The following HELT variants were observed in gnomAD, a reference collection of about 807,000 sequenced individuals.
The protein encoded by HELT is hairy and enhancer of split-related protein HELT.
Under a neutral mutation model 19.5 loss-of-function variants are expected in HELT, and 9 were observed. The observed-to-expected ratio is 0.46, with a 90% confidence interval of 0.28 to 0.80. The LOEUF (loss-of-function observed/expected upper bound fraction) is 0.80. Among genes scored for constraint, HELT ranks in the 30% least tolerant of loss-of-function variants. The probability of loss-of-function intolerance (pLI) is 0.12; values close to 1 mark genes in which losing one functional copy is unlikely to be tolerated. For missense variants in HELT, 366 were observed against 326.3 expected (o/e 1.12, Z -0.94); for synonymous variants, 162 against 148.3 (o/e 1.09, Z -0.67).
intron 1 of HELT, 85 bp from the exon 2 acceptor site, chr4:185,019,302 G>T: frequency 8.2e-7 from 1 of 1,226,588 alleles, no homozygotes; most frequent in South Asian, 1.4e-5. Flanking sequence ...CGGCTGGAGA[G>T]GCGGCTTGCA....
chr4:185,020,489 T>C lies in HELT; in HGVS notation c.446T>C (p.Leu149Pro), dbSNP rs757229622. 5.2e-5 allele frequency: 84 copies of C among 1,613,186 alleles called. No homozygotes were observed. The highest frequency in any genetic ancestry group is 7.0e-5 in the Non-Finnish European group (83 of 1,179,972). ...CCGGAGCCGGATTTCTCCTATCAGC[T>C]GCACCCTGCGGGGCCCGAATTCGCT... The part of the protein sequence containing the change: ...SLPEPDFSYQ[L>P]HPAGPEFAGH... The change falls in exon 4 of 4, where the codon CTG becomes CCG. Residue 149 changes from leucine (L) to proline (P), a missense_variant. Leu to Pro is a moderately conservative substitution (Grantham distance 98). Coordinates refer to ENST00000515777, the MANE Select transcript of HELT (RefSeq NM_001300781.2).
Position 185,020,919 on chromosome 4 carries a change from C to T in HELT, c.*147C>T. On this transcript the variant is annotated 3_prime_UTR_variant, in exon 4 of 4. Transcript: ENST00000515777. ...CGAATGAGTCTTCTGAAGGATCTCCCCCTGGTAATAAACGTTTTCTGATAA... is the reference window on the plus strand; with the variant it reads ...CGAATGAGTCTTCTGAAGGATCTCCTCCTGGTAATAAACGTTTTCTGATAA... 1 of 960,578 alleles carries T rather than the reference C, an allele frequency of 1.0e-6. No individual in the cohort carries two copies. The highest frequency in any genetic ancestry group is 1.4e-6 in the Non-Finnish European group (1 of 702,500). 59.5% of individuals were successfully genotyped at this position (960,578 alleles called of 1,614,324 possible).
intron 1 of HELT, 39 bp downstream of exon 1, chr4:185,018,994 G>A (rs1733976556): frequency 4.3e-6 from 7 of 1,614,072 alleles, no homozygotes; most frequent in Non-Finnish European, 4.2e-6. Context: ...GCGCCCTGGT[G>A]GTGGAGGCAT....
intron 1 of HELT, 123 bp from the exon 2 acceptor site, chr4:185,019,264 T>G (rs1733985023): frequency 7.1e-6 from 8 of 1,119,810 alleles, no homozygotes; most frequent in Non-Finnish European, 1.0e-5. Flanking sequence ...CAGGAGTCCC[T>G]TCCTAGAGCG....
At position 185,019,473 on chromosome 4, in the gene HELT, C is replaced by G; in HGVS notation, c.114C>G (p.Pro38=). 1 of 1,611,142 alleles carries G rather than the reference C, an allele frequency of 6.2e-7. No homozygotes were observed. The highest frequency in any genetic ancestry group is 1.1e-5 in the South Asian group (1 of 90,534). Residue 38 remains proline, a synonymous_variant, in exon 2 of 4, where the codon CCC becomes CCG. Transcript: ENST00000515777. ...RCLNELGKTV[P]MALAKQSSGK... is the part of the protein sequence containing the mutation. ...TGAACGAGCTGGGCAAGACAGTGCC[C>G]ATGGCCTTGGCGAAGCAGGTAACGT...
At position 185,019,460 on chromosome 4, in the gene HELT, G is replaced by A. The variant is rs1733991957; in HGVS notation, c.101G>A (p.Gly34Asp). 3 of 1,612,314 alleles carry A rather than the reference G, an allele frequency of 1.9e-6. No individual in the cohort carries two copies. Among genetic ancestry groups the A allele is most frequent in the Non-Finnish European group, 2.5e-6 (3 of 1,179,152 alleles). The change falls in exon 2 of 4, where the codon GGC becomes GAC. Residue 34 changes from glycine to aspartate, a missense_variant. Physicochemically the swap from Gly to Asp is moderately conservative, Grantham distance 94. Coordinates refer to ENST00000515777, the MANE Select transcript of HELT (RefSeq NM_001300781.2). ...DRINRCLNELGKTVPMALAKQ... is the reference protein window; with the variant it reads ...DRINRCLNELDKTVPMALAKQ... Reference sequence around the variant, plus strand: ...ATCAACCGCTGCTTGAACGAGCTGGGCAAGACAGTGCCCATGGCCTTGGCG... The same window carrying A: ...ATCAACCGCTGCTTGAACGAGCTGGACAAGACAGTGCCCATGGCCTTGGCG...
chr4:185,020,322 G>A lies in HELT; in HGVS notation c.279G>A (p.Glu93=). The A allele has an allele frequency of 4.3e-6, 7 of 1,614,208 alleles. No homozygotes were observed. The highest frequency in any genetic ancestry group is 5.9e-6 in the Non-Finnish European group (7 of 1,180,040). The part of the protein sequence containing the change: ...FANYFHYGYH[E]CMKNLVHYLT... ...ACTACTTCCACTATGGCTACCACGA[G>A]TGCATGAAGAACCTGGTGCATTACC... is the stretch of plus-strand genomic sequence containing the variant. Residue 93 remains glutamate (E), a synonymous_variant, in exon 4 of 4, where the codon GAG becomes GAA. Transcript: ENST00000515777.
At chr4:185,019,122 G>A (rs1733981718) in intron 1 of HELT, 167 bp downstream of exon 1, 1 of 1,577,264 alleles carries the variant, frequency 6.3e-7, no homozygotes, top group Non-Finnish European at 8.6e-7. Flanking sequence ...AGAGGAGGGT[G>A]CTCAACCAGG....
chr4:185,019,366 C>T, intron 1 of HELT, 21 bp from the exon 2 acceptor site: 1 of 1,589,988 alleles, frequency 6.3e-7, no homozygotes, highest in Non-Finnish European at 8.6e-7. Context: ...CCATCCTAAA[C>T]ATACAACCCT....
chr4:185,018,777 A>G lies in HELT; in HGVS notation c.-152A>G. On this transcript the variant is annotated 5_prime_UTR_variant, in exon 1 of 4. It removes an upstream start codon present in the reference 5' UTR. Coordinates refer to ENST00000515777, the MANE Select transcript of HELT (RefSeq NM_001300781.2). The stretch of plus-strand genomic sequence containing the variant: ...TCCTATGGAATAATTCAACTCGTGA[A>G]TGCATCTGGAGCCCTAGATGACCGC... 3.3e-6 allele frequency: 2 copies of G among 603,294 alleles called. No homozygotes were observed. Among genetic ancestry groups the G allele is most frequent in the Non-Finnish European group, 5.6e-6 (2 of 357,056 alleles). 37.4% of individuals were successfully genotyped at this position (603,294 alleles called of 1,614,324 possible). A position where few individuals can be genotyped will look rare whatever the true frequency, so the allele number is the denominator to read the frequency against.
intron 3 of HELT, 123 bp from the exon 4 acceptor site, chr4:185,020,150 C>G (rs1579159840): frequency 2.9e-6 from 4 of 1,379,812 alleles, no homozygotes; most frequent in Non-Finnish European, 4.0e-6. Context: ...GAGGAGAGGG[C>G]GGGCCTCAAA....
chr4:185,020,391 G>C lies in HELT; in HGVS notation c.348G>C (p.Ala116=). The change falls in exon 4 of 4, where the codon GCG becomes GCC. Residue 116 remains alanine (A), a synonymous_variant. Coordinates refer to ENST00000515777, the MANE Select transcript of HELT (RefSeq NM_001300781.2). ...ERMETKDTKY[A]RILAFLQSKA... ...TGGAGACCAAGGACACGAAGTACGC[G>C]CGCATCCTCGCCTTCTTGCAGTCCA... 1 of 1,614,232 alleles carries C rather than the reference G, an allele frequency of 6.2e-7. No homozygotes were observed. Among genetic ancestry groups the C allele is most frequent in the Non-Finnish European group, 8.5e-7 (1 of 1,180,048 alleles).
chr4:185,020,582 C>G lies in HELT; in HGVS notation c.539C>G (p.Pro180Arg), dbSNP rs772636701. The change falls in exon 4 of 4, where the codon CCT becomes CGT. Residue 180 changes from proline (P) to arginine (R), a missense_variant. By Grantham distance (103) the Pro-to-Arg change is moderately radical. Transcript: ENST00000515777. ...GGTGCCGGGCCTTTCCCCTGGCCGC[C>G]TGGCGCGGCCCGCAGCCCCGCGCTG... The part of the protein sequence containing the change: ...GSGAGPFPWP[P>R]GAARSPALPY... The G allele has an allele frequency of 1.3e-6, 2 of 1,594,580 alleles. No homozygotes were observed. The highest frequency in any genetic ancestry group is 3.4e-5 in the Admixed American group (2 of 58,592).
intron 1 of HELT, 55 bp downstream of exon 1, chr4:185,019,010 T>C: frequency 6.2e-7 from 1 of 1,613,872 alleles, no homozygotes; most frequent in South Asian, 1.1e-5. Flanking sequence ...GGCATCTGAC[T>C]CACCGACCCG....
At position 185,020,439 on chromosome 4, in the gene HELT, C is replaced by G; in HGVS notation, c.396C>G (p.Pro132=). The G allele has an allele frequency of 6.2e-7, 1 of 1,614,070 alleles. No homozygotes were observed. Among genetic ancestry groups the G allele is most frequent in the Non-Finnish European group, 8.5e-7 (1 of 1,180,036 alleles). ...LQSKARLGAE[P]AFPPLGSLPE... ...CCAAGGCCCGCCTGGGCGCGGAGCC[C>G]GCCTTTCCGCCGCTGGGTTCGCTCC... is the stretch of plus-strand genomic sequence containing the variant. The change falls in exon 4 of 4, where the codon CCC becomes CCG. Residue 132 remains proline (P), a synonymous_variant. Coordinates refer to ENST00000515777, the MANE Select transcript of HELT (RefSeq NM_001300781.2).
In HELT at chr4:185,018,513, G is replaced by T. The variant is rs1466733385; in HGVS notation, c.-416G>T. Among the ~76,000 whole-genome samples, 4 of 151,904 alleles carry T rather than the reference G, an allele frequency of 2.6e-5. No homozygotes were observed. Among genetic ancestry groups the T allele is most frequent in the Admixed American group, 1.3e-4 (2 of 15,266 alleles). ...CGCTGCGCCCCTGCGCTCCGCGCCC[G>T]CGACTGCTGCAGGCGCTTGCTCGCC... is the stretch of plus-strand genomic sequence containing the variant. On this transcript the variant is annotated 5_prime_UTR_variant, in exon 1 of 4. Coordinates refer to ENST00000515777, the MANE Select transcript of HELT (RefSeq NM_001300781.2).
chr4:185,019,389 A>G lies in HELT; in HGVS notation c.30A>G (p.Arg10=). The part of the protein sequence containing the change: MSDKLKERK[R]TPVSHKVIEK... Reference sequence around the variant, plus strand: ...AACATACAACCCTCTCTTCGCAGAGAACCCCCGTTTCTCATAAAGTGATAG... The same window carrying G: ...AACATACAACCCTCTCTTCGCAGAGGACCCCCGTTTCTCATAAAGTGATAG... The change falls in exon 2 of 4, where the codon AGA becomes AGG. Residue 10 remains arginine, a splice_region_variant and synonymous_variant. Transcript: ENST00000515777. The G allele has an allele frequency of 1.2e-6, 2 of 1,610,508 alleles. No homozygotes were observed. Among genetic ancestry groups the G allele is most frequent in the Non-Finnish European group, 1.7e-6 (2 of 1,177,998 alleles).
At position 185,020,719 on chromosome 4, in the gene HELT, G is replaced by C; in HGVS notation, c.676G>C (p.Ala226Pro). 6.3e-7 allele frequency: 1 copy of C among 1,593,496 alleles called. No individual in the cohort carries two copies. The change falls in exon 4 of 4, where the codon GCG becomes CCG. Residue 226 changes from alanine (A) to proline (P), a missense_variant. Physicochemically the swap from Ala to Pro is conservative, Grantham distance 27. Transcript: ENST00000515777. ...DRHYLNLIGH[A>P]HPNALNLHTP... is the part of the protein sequence containing the mutation. The stretch of plus-strand genomic sequence containing the variant: ...GCATTACCTCAACCTGATCGGCCAC[G>C]CGCACCCCAACGCCCTTAACCTGCA...
At chr4:185,019,224 C>T in intron 1 of HELT, 163 bp from the exon 2 acceptor site, 2 of 1,219,834 alleles carry the variant, frequency 1.6e-6, no homozygotes, top group South Asian at 1.6e-5. Flanking sequence ...CGTCAGAAGG[C>T]AGAGCTCACC....
Sources: gnomAD v4.1 joint callset for allele counts (sites outside exome capture counted in the v4.1 genomes callset) on GRCh38, gnomAD v4.1.1 for gene constraint, MANE v1.5 for transcripts, NCBI Gene and HGNC (gene_info 2026-07-23, HGNC 2026-07-21) for gene names.